Variants in UBAC2 observed in about 807,000 individuals in gnomAD.
UBAC2 encodes UBA domain containing 2, also known as ubiquitin-associated domain-containing protein 2.
In UBAC2, 26 loss-of-function variants were observed where a neutral mutation model predicts 44.0. The ratio of observed to expected loss-of-function variants is 0.59; its 90% CI spans 0.43 to 0.82. The LOEUF is 0.82. UBAC2 is among the 40% of genes least tolerant of loss of function. The pLI, the probability that UBAC2 is intolerant of heterozygous loss-of-function variation, is 0.00. For missense variants in UBAC2, 329 were observed against 419.4 expected, an observed-to-expected ratio of 0.78 and a Z score of 1.88; for synonymous variants, 155 against 154.3, an observed-to-expected ratio of 1.00 and a Z score of -0.04.
chr13:99,265,557 T>A (rs1012310460), intron 4 of UBAC2, among the ~76,000 whole-genome samples: 3 of 152,262 alleles, frequency 2.0e-5, no homozygotes. Context: ...GTCATGTGGG[T>A]ACTGATCCCT....
At chr13:99,272,701 T>G (rs527420516) in intron 4 of UBAC2, among the ~76,000 whole-genome samples, 7 of 152,222 alleles carry the variant, frequency 4.6e-5, no homozygotes, top group African/African-American at 1.7e-4. Context: ...ACAAGGGCAC[T>G]AATCTCATCA....
At chr13:99,373,493 A>G (rs796703186) in intron 8 of UBAC2, among the ~76,000 whole-genome samples, 80 of 152,322 alleles carry the variant, frequency 5.3e-4, no homozygotes, top group African/African-American at 1.9e-3. Flanking sequence ...CACCGGGGCT[A>G]AGCGCTGTGC....
At chr13:99,232,898 C>T (rs972675631) in intron 1 of UBAC2, among the ~76,000 whole-genome samples, 3 of 151,972 alleles carry the variant, frequency 2.0e-5, no homozygotes, top group East Asian at 1.9e-4. Flanking sequence ...GCTGAGATCA[C>T]GCCACTGCAC....
At chr13:99,353,680 G>A (rs1462280222) in intron 7 of UBAC2, among the ~76,000 whole-genome samples, 1 of 151,924 alleles carries the variant, frequency 6.6e-6, no homozygotes, top group Non-Finnish European at 1.5e-5. Flanking sequence ...TTAAACCAGG[G>A]GTATATTAGA....
At chr13:99,236,576 GCACGGTGGCTCATGCCTGTAATCCTA>G in intron 1 of UBAC2, among the ~76,000 whole-genome samples, 1 of 152,324 alleles carries the variant, frequency 6.6e-6, no homozygotes, top group South Asian at 2.1e-4. Context: ...TGGCTGCTGG[GCACGGTGGCTCATGCCTGTAATCCTA>G]GTACTTTGGG....
At chr13:99,206,105 C>G (rs1044264819) in intron 1 of UBAC2, 1 of 152,740 alleles carries the variant, frequency 6.5e-6, no homozygotes, top group Non-Finnish European at 1.5e-5. Context: ...TGCAGAGAAG[C>G]AGGAGCTCAT....
At chr13:99,366,393 C>A (rs1412723338) in intron 7 of UBAC2, among the ~76,000 whole-genome samples, 2 of 152,142 alleles carry the variant, frequency 1.3e-5, no homozygotes, top group African/African-American at 4.8e-5. Flanking sequence ...TCCCATGTAA[C>A]CCCAAGGCAA....
At chr13:99,318,808 T>G (rs2044529464) in intron 6 of UBAC2, among the ~76,000 whole-genome samples, 1 of 109,676 alleles carries the variant, frequency 9.1e-6, no homozygotes. Flanking sequence ...GGCGACAGAG[T>G]GAGACTCCAT....
intron 1 of UBAC2, among the ~76,000 whole-genome samples, chr13:99,212,212 A>G (rs1189569904): frequency 1.3e-5 from 2 of 152,214 alleles, no homozygotes; most frequent in Non-Finnish European, 2.9e-5. Flanking sequence ...TTTTTATAGC[A>G]TTTTAATAAG....
chr13:99,315,278 T>C (rs1157563946), intron 5 of UBAC2, among the ~76,000 whole-genome samples: 1 of 152,182 alleles, frequency 6.6e-6, no homozygotes, highest in Admixed American at 6.5e-5. Flanking sequence ...GGATTTGCTA[T>C]AGCAGATTTA....
intron 4 of UBAC2, among the ~76,000 whole-genome samples, chr13:99,273,936 C>G (rs1659435116): frequency 6.6e-6 from 1 of 150,584 alleles, no homozygotes; most frequent in African/African-American, 2.4e-5. Context: ...TGGGTTCTAC[C>G]TTGCAATTAT....
chr13:99,225,913 T>C (rs889582126), intron 1 of UBAC2, among the ~76,000 whole-genome samples: 2 of 152,226 alleles, frequency 1.3e-5, no homozygotes, highest in African/African-American at 2.4e-5. Context: ...CTAAAAATAA[T>C]GGTGTATCAG....
At chr13:99,324,920 G>C (rs568721304) in intron 6 of UBAC2, among the ~76,000 whole-genome samples, 1 of 152,132 alleles carries the variant, frequency 6.6e-6, no homozygotes, top group South Asian at 2.1e-4. Flanking sequence ...ATCCCATCTA[G>C]GTTTGTGTAA....
At chr13:99,309,119 C>CT (rs796877414) in intron 4 of UBAC2, among the ~76,000 whole-genome samples, 1,816 of 145,858 alleles carry the variant, frequency 0.012, 26 homozygotes, top group South Asian at 0.067. Flanking sequence ...TCCCAACCTT[C>CT]TTTTTTTTTT....
At chr13:99,367,660 A>G in intron 7 of UBAC2, 127 bp from the exon 8 acceptor site, 1 of 1,305,598 alleles carries the variant, frequency 7.7e-7, no homozygotes, top group Non-Finnish European at 1.1e-6. Flanking sequence ...TTGCTTGCAT[A>G]GAGCGGATCA....
At chr13:99,237,258 A>ATG (rs2043245398) in intron 1 of UBAC2, among the ~76,000 whole-genome samples, 1 of 114,386 alleles carries the variant, frequency 8.7e-6, no homozygotes, top group African/African-American at 3.1e-5. Flanking sequence ...TTATGCGTAT[A>ATG]TATATATATA....
intron 6 of UBAC2, among the ~76,000 whole-genome samples, chr13:99,319,021 A>C (rs1177448118): frequency 6.6e-6 from 1 of 152,158 alleles, no homozygotes; most frequent in Non-Finnish European, 1.5e-5. Flanking sequence ...ATTTTGTAAA[A>C]AGACATTGTC....
chr13:99,233,042 G>C (rs555246086), intron 1 of UBAC2, among the ~76,000 whole-genome samples: 4 of 152,040 alleles, frequency 2.6e-5, no homozygotes, highest in African/African-American at 7.2e-5. Context: ...TTCTAGCTCT[G>C]ATTACTGAAA....
intron 1 of UBAC2, among the ~76,000 whole-genome samples, chr13:99,209,965 T>G (rs1221661180): frequency 6.6e-6 from 1 of 152,114 alleles, no homozygotes; most frequent in African/African-American, 2.4e-5. Flanking sequence ...GGTGCGAGAC[T>G]GTCTCAAAAA....
Sources: gnomAD v4.1 joint callset for allele counts (sites outside exome capture counted in the v4.1 genomes callset) on GRCh38, gnomAD v4.1.1 for gene constraint, MANE v1.5 for transcripts, NCBI Gene and HGNC (gene_info 2026-07-23, HGNC 2026-07-21) for gene names.